The following UBE2O variants were observed in gnomAD, a reference collection of about 807,000 sequenced individuals.
The protein encoded by UBE2O is (E3-independent) E2 ubiquitin-conjugating enzyme.
Under a neutral mutation model 125.8 loss-of-function variants are expected in UBE2O, and 15 were observed. The ratio of observed to expected loss-of-function variants is 0.12; its 90% confidence interval spans 0.08 to 0.18. UBE2O has a LOEUF of 0.18. Among genes scored for constraint, UBE2O ranks in the 10% least tolerant of loss-of-function variants. The pLI, the probability that UBE2O is intolerant of heterozygous loss-of-function variation, is 1.00. For missense variants in UBE2O, 1,280 were observed against 1,723.6 expected (o/e 0.74, Z 4.56); for synonymous variants, 708 against 703.2 (o/e 1.01, Z -0.11).
At chr17:76,420,658 A>G (rs1408052577) in intron 1 of UBE2O, among the ~76,000 whole-genome samples, 2 of 152,150 alleles carry the variant, frequency 1.3e-5, no homozygotes, top group Non-Finnish European at 2.9e-5. Context: ...CGCTGCAGAC[A>G]TTTCTTTTTC....
At chr17:76,420,450 G>C (rs1255204286) in intron 1 of UBE2O, among the ~76,000 whole-genome samples, 1 of 152,060 alleles carries the variant, frequency 6.6e-6, no homozygotes, top group Non-Finnish European at 1.5e-5. Flanking sequence ...AATCCCAGTG[G>C]CCAGAAATGT....
At chr17:76,429,959 A>C (rs1017925507) in intron 1 of UBE2O, among the ~76,000 whole-genome samples, 3 of 152,226 alleles carry the variant, frequency 2.0e-5, no homozygotes, top group Non-Finnish European at 2.9e-5. Flanking sequence ...TGCAGAATTC[A>C]AAGAGATGAC....
At chr17:76,417,664 A>G (rs2072637287) in intron 1 of UBE2O, among the ~76,000 whole-genome samples, 1 of 151,774 alleles carries the variant, frequency 6.6e-6, no homozygotes, top group South Asian at 2.1e-4. Flanking sequence ...CCATCACTAA[A>G]ACCACCTGGC....
At chr17:76,416,759 G>T (rs2072623517) in intron 1 of UBE2O, among the ~76,000 whole-genome samples, 1 of 152,168 alleles carries the variant, frequency 6.6e-6, no homozygotes, top group Admixed American at 6.5e-5. Flanking sequence ...TAGGTCCTAA[G>T]ACCCTCAACT....
At chr17:76,435,293 C>G (rs1054735214) in intron 1 of UBE2O, among the ~76,000 whole-genome samples, 6 of 152,066 alleles carry the variant, frequency 3.9e-5, no homozygotes, top group African/African-American at 1.4e-4. Context: ...CAGTGGCTAT[C>G]CCTGGAGAGT....
chr17:76,420,311 T>G (rs12941950), intron 1 of UBE2O, among the ~76,000 whole-genome samples: 8,229 of 151,934 alleles, frequency 0.054, 298 homozygotes, highest in East Asian at 0.11. Context: ...GGGGCCAAGT[T>G]CCCACTGAAG....
At chr17:76,419,846 C>T (rs769518373) in intron 1 of UBE2O, among the ~76,000 whole-genome samples, 13 of 152,230 alleles carry the variant, frequency 8.5e-5, no homozygotes, top group South Asian at 2.1e-4. Context: ...GGTGTGAAAG[C>T]GTGGCTCTAC....
In UBE2O at chr17:76,396,910, C is replaced by A; in HGVS notation, c.2116-89G>T. The A allele has an allele frequency of 8.5e-7, 1 of 1,171,886 alleles. No individual in the cohort carries two copies. Among genetic ancestry groups the A allele is most frequent in the Non-Finnish European group, 1.2e-6 (1 of 837,600 alleles). The allele number at this position is 1,171,886 out of a possible 1,614,324, so 72.6% of individuals were successfully genotyped here. ...GAGCTCTGGGGATCCCTGATCCGCA[C>A]AGCTGATGGCGACTGGGCTCATGAG... On this transcript the variant is annotated intron_variant, in intron 13 of 17. Transcript: ENST00000319380. The surrounding 1 kb of genome is among the most constrained non-coding windows in gnomAD (Gnocchi z 6.7).
chr17:76,423,332 T>C (rs1475202139), intron 1 of UBE2O, among the ~76,000 whole-genome samples: 3 of 152,128 alleles, frequency 2.0e-5, no homozygotes, highest in African/African-American at 7.2e-5. Flanking sequence ...TGAGCCCTGA[T>C]TGTGCCAATG....
At chr17:76,439,533 T>G (rs115247230) in intron 1 of UBE2O, among the ~76,000 whole-genome samples, 1 of 152,214 alleles carries the variant, frequency 6.6e-6, no homozygotes, top group Admixed American at 6.5e-5. Flanking sequence ...TGATGGCCAA[T>G]AGAATGTATG....
At position 76,400,636 on chromosome 17, in the gene UBE2O, C is replaced by A; in HGVS notation, c.895-86G>T. On this transcript the variant is annotated intron_variant, in intron 6 of 17. Transcript: ENST00000319380. The surrounding 1 kb of genome is among the most constrained non-coding windows in gnomAD (Gnocchi z 4.3). ...AGCTGCCCAAAGCCCACTTGACCTC[C>A]AGAGCAGGAAACTGATCTTCCTAGT... 1 of 897,330 alleles carries A rather than the reference C, an allele frequency of 1.1e-6. No individual in the cohort carries two copies. Among genetic ancestry groups the A allele is most frequent in the Non-Finnish European group, 1.7e-6 (1 of 584,896 alleles). 55.6% of individuals were successfully genotyped at this position (897,330 alleles called of 1,614,324 possible).
chr17:76,444,115 G>A (rs1456389934), intron 1 of UBE2O, among the ~76,000 whole-genome samples: 1 of 152,138 alleles, frequency 6.6e-6, no homozygotes, highest in Admixed American at 6.5e-5. Flanking sequence ...CAGCTACTTG[G>A]GAGGCTGAGG....
intron 1 of UBE2O, among the ~76,000 whole-genome samples, chr17:76,441,429 G>T (rs776890009): frequency 6.6e-6 from 1 of 152,192 alleles, no homozygotes; most frequent in Non-Finnish European, 1.5e-5. Flanking sequence ...TGATGAGTCC[G>T]CCTCATCCCT....
intron 1 of UBE2O, among the ~76,000 whole-genome samples, chr17:76,409,115 C>T (rs1268963498): frequency 6.6e-6 from 1 of 150,704 alleles, no homozygotes; most frequent in South Asian, 2.1e-4. Context: ...ACTACAGGCG[C>T]CCGCCACCAC....
chr17:76,409,055 G>A (rs546173276), intron 1 of UBE2O, among the ~76,000 whole-genome samples: 3 of 151,782 alleles, frequency 2.0e-5, no homozygotes, highest in Non-Finnish European at 2.9e-5. Context: ...TGCAAGCTCC[G>A]CCTCCCGGGT....
chr17:76,392,030 G>A lies in UBE2O; in HGVS notation c.3030C>T (p.Asn1010=), dbSNP rs766846744. 127 of 1,574,626 alleles carry A rather than the reference G, an allele frequency of 8.1e-5. No homozygotes were observed. Among genetic ancestry groups the A allele is most frequent in the Non-Finnish European group, 1.0e-4 (116 of 1,162,150 alleles). ...AGTGGGGGGGCACGGCTGGGTAGAT[G>A]TTGGGGAGCTGGATGTCAAACAAGT... ...GLYLFDIQLP[N]IYPAVPPHFC... The change falls in exon 16 of 18, where the codon AAC becomes AAT. Residue 1010 remains asparagine (N), a synonymous_variant. Transcript: ENST00000319380.
Position 76,396,513 on chromosome 17 carries a change from G to T in UBE2O, c.2424C>A (p.Pro808=), listed in dbSNP as rs2072211793. 6.2e-7 allele frequency: 1 copy of T among 1,613,726 alleles called. No homozygotes were observed. Among genetic ancestry groups the T allele is most frequent in the African/African-American group, 1.3e-5 (1 of 74,964 alleles). ...CCTCTTTCAACTCCCGGAAGCTCTTGGGTGGCCCGTCCTTGCCAGCCTTCT... is the reference window on the plus strand; with the variant it reads ...CCTCTTTCAACTCCCGGAAGCTCTTTGGTGGCCCGTCCTTGCCAGCCTTCT... The part of the protein sequence containing the change: ...LMEKAGKDGP[P]KSFRELKEAI... Residue 808 remains proline (P), a synonymous_variant, in exon 14 of 18, where the codon CCC becomes CCA. Coordinates refer to ENST00000319380, the MANE Select transcript of UBE2O (RefSeq NM_022066.4). This position sits in a 1 kb window ranked among gnomAD's most constrained non-coding sequence, Gnocchi z 6.7.
chr17:76,391,594 T>C lies in UBE2O; in HGVS notation c.3228A>G (p.Glu1076=), dbSNP rs767824215. ...CGAAGCCGGCTTCGTTGTAGTATGG[T>C]TCATTTACCAGGATCAGACCTGTGT... is the stretch of plus-strand genomic sequence containing the variant. The part of the protein sequence containing the change: ...ISIQGLILVN[E]PYYNEAGFDS... Residue 1076 remains glutamate (E), a synonymous_variant, in exon 18 of 18, where the codon GAA becomes GAG. Transcript: ENST00000319380. This position sits in a 1 kb window ranked among gnomAD's most constrained non-coding sequence, Gnocchi z 8.4. 6.2e-7 allele frequency: 1 copy of C among 1,613,466 alleles called. No homozygotes were observed. The highest frequency in any genetic ancestry group is 8.5e-7 in the Non-Finnish European group (1 of 1,179,568).
chr17:76,429,814 A>T (rs535676048), intron 1 of UBE2O, among the ~76,000 whole-genome samples: 2 of 152,278 alleles, frequency 1.3e-5, no homozygotes, highest in African/African-American at 4.8e-5. Context: ...TTGCTCTTTT[A>T]GTGTGCAGAC....
Sources: gnomAD v4.1 joint callset for allele counts (sites outside exome capture counted in the v4.1 genomes callset) on GRCh38, gnomAD v4.1.1 for gene constraint, Gnocchi (gnomAD v3.1) non-coding constraint, MANE v1.5 for transcripts, NCBI Gene and HGNC (gene_info 2026-07-23, HGNC 2026-07-21) for gene names.